Variants in ANO3 observed in about 807,000 individuals in gnomAD.
ANO3 encodes the protein anoctamin-3.
Under a neutral mutation model 144.8 loss-of-function variants are expected in ANO3, and 99 were observed. That is an observed-to-expected ratio of 0.68 (90% CI 0.58 to 0.81). ANO3 has a LOEUF of 0.81. ANO3 is among the 30% of genes least tolerant of loss of function. The pLI is 0.00. For synonymous variants in ANO3, 414 were observed against 392.6 expected, an observed-to-expected ratio of 1.05 and a Z score of -0.64; for missense variants, 905 against 1,202.2, an observed-to-expected ratio of 0.75 and a Z score of 3.66.
intron 1 of ANO3, among the ~76,000 whole-genome samples, chr11:26,372,233 A>G (rs1352026492): frequency 6.6e-6 from 1 of 152,158 alleles, no homozygotes; most frequent in African/African-American, 2.4e-5. Context: ...CTCAGCTCTC[A>G]TTATTCTCCT....
At chr11:26,544,142 T>C (rs1224253998) in intron 11 of ANO3, among the ~76,000 whole-genome samples, 1 of 150,740 alleles carries the variant, frequency 6.6e-6, no homozygotes, top group Non-Finnish European at 1.5e-5. Context: ...TGTCAATAGT[T>C]ACATTTACTT....
chr11:26,273,031 A>G (rs922158867), intron 1 of ANO3, among the ~76,000 whole-genome samples: 2 of 152,166 alleles, frequency 1.3e-5, no homozygotes, highest in Non-Finnish European at 2.9e-5. Flanking sequence ...TATTGAGCGT[A>G]CTTAATGAAA....
At chr11:26,208,512 CAA>C (rs67196052) in intron 1 of ANO3, among the ~76,000 whole-genome samples, 12 of 121,702 alleles carry the variant, frequency 9.9e-5, no homozygotes, top group South Asian at 2.5e-4. Flanking sequence ...GACTCCGTCT[CAA>C]AAAAAAAAAA....
chr11:26,384,103 C>T (rs929145180), intron 1 of ANO3, among the ~76,000 whole-genome samples: 4 of 151,850 alleles, frequency 2.6e-5, no homozygotes, highest in South Asian at 2.1e-4. Context: ...ATGTTCACCA[C>T]GTTGGTCAGG....
intron 1 of ANO3, among the ~76,000 whole-genome samples, chr11:26,218,807 G>T (rs1265916861): frequency 6.6e-6 from 1 of 152,188 alleles, no homozygotes; most frequent in Non-Finnish European, 1.5e-5. Flanking sequence ...GCACATGTGT[G>T]TTTTTGTGTG....
chr11:26,460,146 T>G (rs1402012078), intron 3 of ANO3: 4 of 448,108 alleles, frequency 8.9e-6, no homozygotes, highest in Non-Finnish European at 9.0e-6. Context: ...GGACAGTGAT[T>G]TAAAACTATC....
chr11:26,291,505 G>A lies in ANO3; in HGVS notation c.155-18140G>A, dbSNP rs181265746. On this transcript the variant is annotated intron_variant, in intron 1 of 27. Transcript: ENST00000672621. The stretch of plus-strand genomic sequence containing the variant: ...GTTGATGCAGTTTCTTCCTAGCCTC[G>A]ATGGTCTTTACATTTTGGCATGTTT... Among the ~76,000 whole-genome samples the A allele has an allele frequency of 3.0e-3, 461 of 152,232 alleles. 4 individuals are homozygous for A. Among genetic ancestry groups the A allele is most frequent in the African/African-American group, 0.011 (437 of 41,540 alleles).
In ANO3 at chr11:26,443,776, G is replaced by A; in HGVS notation, c.253G>A (p.Glu85Lys). The A allele has an allele frequency of 1.0e-6, 1 of 1,001,918 alleles. No homozygotes were observed. The highest frequency in any genetic ancestry group is 1.5e-6 in the Non-Finnish European group (1 of 684,344). 62.1% of individuals were successfully genotyped at this position (1,001,918 alleles called of 1,614,324 possible). The change falls in exon 3 of 27, where the codon GAG (glutamate) becomes AAG (lysine). Residue 85 changes from glutamate (E) to lysine (K), a missense_variant. Around this residue, in one of 4 missense-constraint regions of ANO3, gnomAD observed 174 missense variants for 171.9 expected, o/e 1.01. Transcript: ENST00000256737. ...TDKAEQVNTE[E>K]NKNDSVLRCS... is the part of the protein sequence containing the mutation. ...TTATTTTATTTCAGTTAATACTGAG[G>A]AGAATAAAAACGACTCTGTGCTGAG...
intron 3 of ANO3, among the ~76,000 whole-genome samples, chr11:26,451,668 A>T (rs7947275): frequency 0.62 from 94,915 of 152,064 alleles, 31,968 homozygotes; most frequent in Admixed American, 0.78. Context: ...GCACAGACAA[A>T]CAAAAAGACA....
chr11:26,599,485 G>A lies in ANO3; in HGVS notation c.1672-65G>A, dbSNP rs570093493. 3.0e-5 allele frequency: 45 copies of A among 1,488,638 alleles called. No homozygotes were observed. In the South Asian group the frequency reaches 4.1e-4, roughly 14 times the overall value. 92.2% of individuals were successfully genotyped at this position (1,488,638 alleles called of 1,614,324 possible). A position where few individuals can be genotyped will look rare whatever the true frequency, so the allele number is the denominator to read the frequency against. On this transcript the variant is annotated intron_variant, in intron 16 of 26. Transcript: ENST00000256737. ...CTTGGGGACAGTAGATTTGATCTACGGTTTTGCTTTTGACTTGTTAATGAT... is the reference window on the plus strand; with the variant it reads ...CTTGGGGACAGTAGATTTGATCTACAGTTTTGCTTTTGACTTGTTAATGAT...
Position 26,509,802 on chromosome 11 carries a change from C to A in ANO3, c.591+1540C>A, listed in dbSNP as rs573900383. Among the ~76,000 whole-genome samples, 7 of 150,156 alleles carry A rather than the reference C, an allele frequency of 4.7e-5. No individual in the cohort carries two copies. In the South Asian group the frequency reaches 1.5e-3, roughly 31 times the overall value. ...CTCCTGGAATTAGTTTTCTGAGGAACACACATTAGGAAGTACTAAACTGTA... is the reference window on the plus strand; with the variant it reads ...CTCCTGGAATTAGTTTTCTGAGGAAAACACATTAGGAAGTACTAAACTGTA... On this transcript the variant is annotated intron_variant, in intron 5 of 26. Transcript: ENST00000256737.
intron 1 of ANO3, among the ~76,000 whole-genome samples, chr11:26,314,498 C>T (rs150313630): frequency 5.3e-5 from 8 of 152,170 alleles, no homozygotes; most frequent in African/African-American, 1.7e-4. Flanking sequence ...ATTCCTGTGG[C>T]CAAAAATGGA....
chr11:26,486,963 T>C (rs984422140), intron 4 of ANO3, among the ~76,000 whole-genome samples: 6 of 152,236 alleles, frequency 3.9e-5, no homozygotes, highest in Non-Finnish European at 7.3e-5. Flanking sequence ...TGTGTGCTCC[T>C]AGTCACCATT....
intron 3 of ANO3, among the ~76,000 whole-genome samples, chr11:26,458,058 G>A (rs575557577): frequency 5.1e-4 from 77 of 152,020 alleles, no homozygotes; most frequent in Non-Finnish European, 9.9e-4. Flanking sequence ...CTTAAAAATA[G>A]GAAATATAAT....
At chr11:26,622,594 A>G (rs1048383532) in intron 17 of ANO3, among the ~76,000 whole-genome samples, 1 of 152,128 alleles carries the variant, frequency 6.6e-6, no homozygotes, top group South Asian at 2.1e-4. Context: ...TGTTAGAGTG[A>G]GACTTTGTCT....
chr11:26,495,073 ACATT>A (rs1383547278), intron 4 of ANO3, among the ~76,000 whole-genome samples: 13 of 131,598 alleles, frequency 9.9e-5, no homozygotes, highest in African/African-American at 3.8e-4. Flanking sequence ...ATAAATATCT[ACATT>A]TATTTATTTA....
intron 1 of ANO3, among the ~76,000 whole-genome samples, chr11:26,232,467 T>A (rs890020170): frequency 2.6e-5 from 4 of 152,080 alleles, no homozygotes; most frequent in Non-Finnish European, 5.9e-5. Flanking sequence ...AACTTCCTTA[T>A]TACATGAGTC....
intron 17 of ANO3, among the ~76,000 whole-genome samples, chr11:26,606,494 G>A (rs534298944): frequency 6.6e-6 from 1 of 152,066 alleles, no homozygotes; most frequent in Non-Finnish European, 1.5e-5. Context: ...TTAATTTTCT[G>A]TCTCATTGAT....
At chr11:26,596,620 C>A (rs1851637887) in intron 14 of ANO3, among the ~76,000 whole-genome samples, 1 of 152,140 alleles carries the variant, frequency 6.6e-6, no homozygotes, top group Non-Finnish European at 1.5e-5. Context: ...GGAGATACAA[C>A]CTGCTCTAAT....
Sources: allele counts gnomAD v4.1 joint callset (sites outside exome capture counted in the v4.1 genomes callset), GRCh38; gene constraint gnomAD v4.1.1; regional missense constraint gnomAD v4.1.1; transcripts MANE v1.5; gene names NCBI Gene and HGNC (gene_info 2026-07-23, HGNC 2026-07-21).